PDE4D: variants seen among roughly 807,000 people sequenced by gnomAD.
PDE4D encodes the protein 3',5'-cyclic-AMP phosphodiesterase 4D.
Under a neutral mutation model 87.4 loss-of-function variants are expected in PDE4D, and 24 were observed. That is an observed-to-expected ratio of 0.27 (90% confidence interval 0.20 to 0.39). The LOEUF (loss-of-function observed/expected upper bound fraction) is 0.39, where lower values mean the gene tolerates loss of function less well. PDE4D is among the 10% of genes least tolerant of loss of function. PDE4D has a pLI of 1.00. For synonymous variants in PDE4D, 384 were observed against 383.2 expected, an observed-to-expected ratio of 1.00 and a Z score of -0.02; for missense variants, 714 against 1,041.0, an observed-to-expected ratio of 0.69 and a Z score of 4.32.
At chr5:58,979,848 C>T (rs1359628450) in intron 11 of PDE4D, among the ~76,000 whole-genome samples, 1 of 152,110 alleles carries the variant, frequency 6.6e-6, no homozygotes, top group Non-Finnish European at 1.5e-5. Context: ...TTTAATCGTT[C>T]CTCCCCAAAC....
In PDE4D at chr5:59,627,785, A is replaced by C. The variant is rs74576237; in HGVS notation, c.455+265383T>G. On this transcript the variant is annotated intron_variant, in intron 1 of 14. Transcript: ENST00000340635. ...AGCCTTTGGTTACTTCCTGAGCATA[A>C]AATCACCCCAGCACTGCTTATCCCT... Among the ~76,000 whole-genome samples, 949 of 152,310 alleles carry C rather than the reference A, an allele frequency of 6.2e-3. 9 individuals are homozygous for C. Among genetic ancestry groups the C allele is most frequent in the African/African-American group, 0.022 (922 of 41,574 alleles).
intron 1 of PDE4D, among the ~76,000 whole-genome samples, chr5:60,394,691 C>T (rs1265891098): frequency 1.3e-5 from 2 of 152,270 alleles, no homozygotes; most frequent in Middle Eastern, 3.4e-3. Flanking sequence ...TTAGTAAATT[C>T]AGGTAATCAC....
At chr5:59,062,971 TC>T (rs1189232226) in intron 5 of PDE4D, 1 of 152,114 alleles carries the variant, frequency 6.6e-6, no homozygotes, top group Admixed American at 6.6e-5. Flanking sequence ...GCATTCAAGC[TC>T]TAAGTAATTC....
intron 5 of PDE4D, 132 bp from the exon 6 acceptor site, chr5:59,039,103 T>C (rs1440872151): frequency 2.8e-6 from 4 of 1,431,196 alleles, no homozygotes; most frequent in Non-Finnish European, 3.7e-6. Context: ...GGGCTGCTCC[T>C]TCATATTGCC....
intron 1 of PDE4D, among the ~76,000 whole-genome samples, chr5:59,688,557 C>T (rs1750320800): frequency 6.6e-6 from 1 of 152,142 alleles, no homozygotes. Context: ...ATCTCTGGGA[C>T]ATATTTAAAG....
intron 1 of PDE4D, among the ~76,000 whole-genome samples, chr5:60,443,080 T>C (rs948887047): frequency 1.3e-5 from 2 of 152,016 alleles, no homozygotes; most frequent in African/African-American, 4.8e-5. Context: ...GACAGTTGAG[T>C]GTGATAGACA....
At chr5:60,077,237 G>A (rs551744580) in intron 2 of PDE4D, among the ~76,000 whole-genome samples, 1 of 152,328 alleles carries the variant, frequency 6.6e-6, no homozygotes, top group South Asian at 2.1e-4. Context: ...ACTCATGCAG[G>A]CAGCAGCGGT....
intron 5 of PDE4D, among the ~76,000 whole-genome samples, chr5:59,137,819 C>T (rs1418052225): frequency 6.6e-6 from 1 of 152,224 alleles, no homozygotes; most frequent in African/African-American, 2.4e-5. Context: ...AGCCACCACG[C>T]CCAGCCTTAA....
At chr5:60,221,838 C>T (rs147293995) in intron 1 of PDE4D, among the ~76,000 whole-genome samples, 3,471 of 152,146 alleles carry the variant, frequency 0.023, 57 homozygotes, top group Non-Finnish European at 0.035. Context: ...GTTTGTTTAT[C>T]CAGACTCCTG....
At chr5:60,448,070 T>G (rs1341111271) in intron 1 of PDE4D, among the ~76,000 whole-genome samples, 3 of 152,148 alleles carry the variant, frequency 2.0e-5, no homozygotes, top group Non-Finnish European at 1.5e-5. Context: ...ATAGATTCAT[T>G]TTAAATCTAT....
At chr5:59,908,839 T>C (rs1469979393) in intron 3 of PDE4D, among the ~76,000 whole-genome samples, 2 of 152,174 alleles carry the variant, frequency 1.3e-5, no homozygotes, top group African/African-American at 4.8e-5. Context: ...AAATCCATGA[T>C]GGGGAAAACT....
Position 59,697,694 on chromosome 5 carries a change from T to A in PDE4D, c.455+195474A>T, listed in dbSNP as rs144464356. 2.0e-3 allele frequency among the ~76,000 whole-genome samples: 307 copies of A among 152,284 alleles called. 1 individual carries two copies. Among genetic ancestry groups the A allele is most frequent in the Non-Finnish European group, 3.0e-3 (204 of 68,022 alleles). The stretch of plus-strand genomic sequence containing the variant: ...CAAACCTGTTCAGGATTTTCCCATA[T>A]CAGTCAAGTGTCAGGCAACCTGTTA... On this transcript the variant is annotated intron_variant, in intron 1 of 14. Transcript: ENST00000340635.
intron 6 of PDE4D, among the ~76,000 whole-genome samples, chr5:59,031,481 G>A (rs1221103978): frequency 7.0e-6 from 1 of 143,644 alleles, no homozygotes; most frequent in Non-Finnish European, 1.5e-5. Context: ...GCCGAGGCGG[G>A]CCGATCACAA....
chr5:60,488,204 T>C (rs1749306621), upstream of PDE4D: 1 of 152,492 alleles, frequency 6.6e-6, no homozygotes, highest in Non-Finnish European at 1.5e-5. Flanking sequence ...GATGAGATAT[T>C]CTACACATTA....
At chr5:59,065,067 TACAC>T (rs10563874) in intron 5 of PDE4D, among the ~76,000 whole-genome samples, 6,333 of 89,034 alleles carry the variant, frequency 0.071, 257 homozygotes, top group Non-Finnish European at 0.12. Context: ...GATATATATA[TACAC>T]ACACACACAC....
At chr5:59,763,287 C>T (rs1414271609) in intron 1 of PDE4D, among the ~76,000 whole-genome samples, 2 of 151,142 alleles carry the variant, frequency 1.3e-5, no homozygotes, top group Non-Finnish European at 2.9e-5. Context: ...AACTAACCTG[C>T]ACATTGTGCA....
intron 1 of PDE4D, among the ~76,000 whole-genome samples, chr5:59,283,999 T>A (rs1766368866): frequency 6.6e-6 from 1 of 152,088 alleles, no homozygotes; most frequent in Non-Finnish European, 1.5e-5. Flanking sequence ...ACACCTAGAA[T>A]CCTCCCAGGG....
intron 3 of PDE4D, among the ~76,000 whole-genome samples, chr5:59,191,596 T>G (rs1446410804): frequency 2.0e-5 from 3 of 151,866 alleles, no homozygotes; most frequent in Non-Finnish European, 2.9e-5. Context: ...CTTGACAGAG[T>G]CTTGCTCTGT....
chr5:60,362,476 A>G (rs1466383372), intron 1 of PDE4D, among the ~76,000 whole-genome samples: 1 of 152,230 alleles, frequency 6.6e-6, no homozygotes, highest in Non-Finnish European at 1.5e-5. Flanking sequence ...TTAAATCTCA[A>G]TGGATTATTT....
Sources: gnomAD v4.1 joint callset for allele counts (sites outside exome capture counted in the v4.1 genomes callset) on GRCh38, gnomAD v4.1.1 for gene constraint, MANE v1.5 for transcripts, NCBI Gene and HGNC (gene_info 2026-07-23, HGNC 2026-07-21) for gene names.